The following LIPA variants were observed in gnomAD, a reference collection of about 807,000 sequenced individuals.
LIPA encodes lysosomal acid lipase/cholesteryl ester hydrolase.
In LIPA, 26 loss-of-function variants were observed where a neutral mutation model predicts 40.6. The observed-to-expected ratio is 0.64, with a 90% CI of 0.47 to 0.89. The LOEUF is 0.89. Among genes scored for constraint, LIPA ranks in the 40% least tolerant of loss-of-function variants. The pLI is 0.00. For synonymous variants in LIPA, 188 were observed against 168.4 expected (o/e 1.12, Z -0.90); for missense variants, 455 against 479.6 (o/e 0.95, Z 0.48).
At chr10:89,406,147 G>A (rs1463620872) in intron 2 of LIPA, 1 of 152,180 alleles carries the variant, frequency 6.6e-6, no homozygotes, top group African/African-American at 2.4e-5. Context: ...GTTCAGGTTT[G>A]TTACACAGGT....
At chr10:89,251,396 G>C (rs1843118103) in intron 1 of LIPA, among the ~76,000 whole-genome samples, 1 of 152,236 alleles carries the variant, frequency 6.6e-6, no homozygotes, top group Non-Finnish European at 1.5e-5. Context: ...AGGATGCAGA[G>C]AGAGGAATCA....
chr10:89,295,297 C>T (rs183243295), intron 1 of LIPA, among the ~76,000 whole-genome samples: 1 of 152,284 alleles, frequency 6.6e-6, no homozygotes, highest in Non-Finnish European at 1.5e-5. Flanking sequence ...TACTATTGAA[C>T]AGTCACCAGC....
chr10:89,361,771 T>C (rs986037843), intron 2 of LIPA, among the ~76,000 whole-genome samples: 4 of 151,214 alleles, frequency 2.6e-5, no homozygotes, highest in African/African-American at 9.7e-5. Flanking sequence ...ACCAAACACT[T>C]GGCAATATGG....
At chr10:89,322,757 T>C (rs1332308706) in intron 1 of LIPA, among the ~76,000 whole-genome samples, 1 of 152,168 alleles carries the variant, frequency 6.6e-6, no homozygotes, top group Non-Finnish European at 1.5e-5. Context: ...TCAAACCCTT[T>C]CTGGATGGGG....
rs566442534 is a variant in LIPA at position 89,412,978 on chromosome 10, T to G, written c.-71-56A>C. 2.7e-5 allele frequency: 5 copies of G among 184,446 alleles called. No individual in the cohort carries two copies. The East Asian group carries it at 8.8e-4, about 32-fold the overall frequency. The allele number at this position is 184,446 out of a possible 1,614,324, so 11.4% of individuals were successfully genotyped here. On this transcript the variant is annotated intron_variant, in intron 1 of 8. Transcript: ENST00000371837. The stretch of plus-strand genomic sequence containing the variant: ...ACCTACGTATTAAGCTCAGCATCAC[T>G]TAGCTATACTTCTTGATGCTCTCCC...
rs533575151 is a variant in LIPA at position 89,368,481 on chromosome 10, T to G, written c.61+44310A>C. Among the ~76,000 whole-genome samples, 15 of 152,314 alleles carry G rather than the reference T, an allele frequency of 9.8e-5. No individual in the cohort carries two copies. In the South Asian group the frequency reaches 3.1e-3, roughly 32 times the overall value. On this transcript the variant is annotated intron_variant, in intron 2 of 8. Transcript: ENST00000371837. The stretch of plus-strand genomic sequence containing the variant: ...TGCTCAGCAGATATTCATCACCTTC[T>G]TCCTCTCCAGCCTCTCCACCCACCA...
upstream of LIPA, among the ~76,000 whole-genome samples, chr10:89,253,896 A>G (rs951611102): frequency 6.6e-6 from 1 of 152,266 alleles, no homozygotes; most frequent in Non-Finnish European, 1.5e-5. Flanking sequence ...TTAAAGCTCC[A>G]AAATGATCTC....
chr10:89,402,651 A>T (rs1350244920), intron 2 of LIPA: 12 of 1,614,248 alleles, frequency 7.4e-6, no homozygotes, highest in Non-Finnish European at 9.3e-6. Flanking sequence ...GAACATTTGC[A>T]AGAAGCTTTC....
At chr10:89,223,970 C>G in intron 6 of LIPA, 140 bp from the exon 7 acceptor site, 1 of 805,382 alleles carries the variant, frequency 1.2e-6, no homozygotes. Context: ...CAGTGGACAT[C>G]AAATCAGGAT....
intron 2 of LIPA, among the ~76,000 whole-genome samples, chr10:89,389,662 G>A (rs1844231822): frequency 6.6e-6 from 1 of 152,154 alleles, no homozygotes; most frequent in South Asian, 2.1e-4. Flanking sequence ...AGCAGAAATG[G>A]CTTAGCATTT....
chr10:89,255,200 T>G (rs1306070247), upstream of LIPA, among the ~76,000 whole-genome samples: 1 of 152,128 alleles, frequency 6.6e-6, no homozygotes, highest in African/African-American at 2.4e-5. Flanking sequence ...TACCCAAAAC[T>G]AGGTAATTTG....
chr10:89,281,498 C>A (rs997722724), intron 1 of LIPA, among the ~76,000 whole-genome samples: 2 of 152,304 alleles, frequency 1.3e-5, no homozygotes, highest in Admixed American at 1.3e-4. Flanking sequence ...CAGGTGCCCA[C>A]TGCAAAATTT....
intron 1 of LIPA, chr10:89,302,069 G>C: frequency 6.2e-7 from 1 of 1,609,496 alleles, no homozygotes; most frequent in African/African-American, 1.3e-5. Context: ...GATTTCTGAA[G>C]AGTGCAGCTG....
At chr10:89,354,562 T>C (rs1026437455) in intron 2 of LIPA, among the ~76,000 whole-genome samples, 1 of 152,092 alleles carries the variant, frequency 6.6e-6, no homozygotes, top group Non-Finnish European at 1.5e-5. Context: ...AGTTAGAAGT[T>C]TTGTTCTTGT....
intron 1 of LIPA, among the ~76,000 whole-genome samples, chr10:89,259,855 T>G (rs533707912): frequency 4.1e-4 from 62 of 152,150 alleles, no homozygotes; most frequent in African/African-American, 1.5e-3. Context: ...TCACAGAAAA[T>G]TAGTGGTTTC....
At chr10:89,295,440 A>G (rs115959130) in intron 1 of LIPA, among the ~76,000 whole-genome samples, 173 of 152,366 alleles carry the variant, frequency 1.1e-3, no homozygotes, top group African/African-American at 4.0e-3. Flanking sequence ...CTTACATTCA[A>G]TATATTATTT....
chr10:89,340,126 T>C (rs771045228), intron 1 of LIPA: 2 of 1,584,358 alleles, frequency 1.3e-6, no homozygotes, highest in Non-Finnish European at 1.7e-6. Flanking sequence ...GCAACTGAAC[T>C]GAGACAGAGG....
At chr10:89,273,072 T>C (rs1472181328) in intron 1 of LIPA, among the ~76,000 whole-genome samples, 1 of 152,198 alleles carries the variant, frequency 6.6e-6, no homozygotes, top group Non-Finnish European at 1.5e-5. Context: ...AAGAAAGAAG[T>C]TATAAACACT....
rs1341453903 is a variant in LIPA at position 89,312,831 on chromosome 10, A to AATC, written c.-2+29779_-2+29780insGAT. Among the ~76,000 whole-genome samples, 6 of 151,920 alleles carry AATC rather than the reference A, an allele frequency of 3.9e-5. No individual in the cohort carries two copies. In the South Asian group the frequency reaches 1.2e-3, roughly 32 times the overall value. ...CTCAAAAAAAAAAAATAATAATAAT[A>AATC]ATAATCCAGTTGACCAAGAGAATGA... On this transcript the variant is annotated intron_variant, in intron 1 of 5. Transcript: ENST00000282673.
Sources: gnomAD v4.1 joint callset for allele counts (sites outside exome capture counted in the v4.1 genomes callset) on GRCh38, gnomAD v4.1.1 for gene constraint, MANE v1.5 for transcripts, NCBI Gene and HGNC (gene_info 2026-07-23, HGNC 2026-07-21) for gene names.